The following TMED6 variants were observed in gnomAD, a reference collection of about 807,000 sequenced individuals.
TMED6 encodes the protein transmembrane emp24 domain-containing protein 6.
Under a neutral mutation model 26.5 loss-of-function variants are expected in TMED6, and 17 were observed. The ratio of observed to expected loss-of-function variants is 0.64; its 90% CI spans 0.44 to 0.96. TMED6 has a LOEUF of 0.96. TMED6 is among the 40% of genes least tolerant of loss of function. The pLI is 0.00. For synonymous variants in TMED6, 107 were observed against 106.2 expected (o/e 1.01, Z -0.04); for missense variants, 309 against 296.5 (o/e 1.04, Z -0.31).
chr16:69,347,578 TC>T (rs1263058904), intron 3 of TMED6, among the ~76,000 whole-genome samples: 1 of 152,156 alleles, frequency 6.6e-6, no homozygotes, highest in East Asian at 1.9e-4. Context: ...AAGGCTGGTT[TC>T]GAACTCCTGA....
intron 3 of TMED6, among the ~76,000 whole-genome samples, chr16:69,344,990 GAA>G (rs2012660506): frequency 6.6e-6 from 1 of 152,148 alleles, no homozygotes; most frequent in Non-Finnish European, 1.5e-5. Context: ...TTGGGAGACT[GAA>G]GCATAAGAAT....
At chr16:69,350,284 A>AG (rs1214842561) in intron 1 of TMED6, among the ~76,000 whole-genome samples, 3 of 151,716 alleles carry the variant, frequency 2.0e-5, no homozygotes, top group East Asian at 3.9e-4. Context: ...AAAAAAAAAA[A>AG]AAAGTACGAT....
chr16:69,347,462 C>T (rs763646662), intron 3 of TMED6, among the ~76,000 whole-genome samples: 9 of 152,158 alleles, frequency 5.9e-5, no homozygotes, highest in African/African-American at 9.7e-5. Flanking sequence ...AGGGTTCAAG[C>T]GATTCTCCTG....
chr16:69,348,074 T>G, intron 2 of TMED6, 138 bp from the exon 3 acceptor site: 2 of 925,648 alleles, frequency 2.2e-6, no homozygotes, highest in Admixed American at 4.8e-5. Flanking sequence ...AGATCCCGTT[T>G]TTGACATGGA....
intron 3 of TMED6, among the ~76,000 whole-genome samples, chr16:69,344,834 A>T (rs1236536684): frequency 6.6e-6 from 1 of 151,790 alleles, no homozygotes; most frequent in Non-Finnish European, 1.5e-5. Context: ...CGTTCCTGTA[A>T]TCTTAGCACT....
At chr16:69,348,180 C>A in intron 2 of TMED6, 1 of 361,180 alleles carries the variant, frequency 2.8e-6, no homozygotes, top group East Asian at 4.5e-5. Context: ...TAGTGGCAAA[C>A]AATGTTTTCT....
At chr16:69,347,031 C>T (rs2012697070) in intron 3 of TMED6, among the ~76,000 whole-genome samples, 1 of 152,070 alleles carries the variant, frequency 6.6e-6, no homozygotes, top group African/African-American at 2.4e-5. Context: ...GAGTGAGACC[C>T]TGTCTCAAAA....
intron 3 of TMED6, among the ~76,000 whole-genome samples, 167 bp from the exon 4 acceptor site, chr16:69,343,807 T>G (rs1434013012): frequency 6.6e-6 from 1 of 152,156 alleles, no homozygotes; most frequent in African/African-American, 2.4e-5. Flanking sequence ...GTATGAAATA[T>G]GGTCTGGATT....
intron 1 of TMED6, 81 bp from the exon 2 acceptor site, chr16:69,349,732 C>A: frequency 5.2e-6 from 8 of 1,545,208 alleles, no homozygotes; most frequent in Non-Finnish European, 7.0e-6. Context: ...TGACGTCCCA[C>A]GGTCATCAGC....
At chr16:69,351,348 A>G (rs1227870866) in intron 1 of TMED6, among the ~76,000 whole-genome samples, 193 bp downstream of exon 1, 1 of 152,082 alleles carries the variant, frequency 6.6e-6, no homozygotes, top group East Asian at 1.9e-4. Context: ...AAGCCAAACC[A>G]TATGTTTTAG....
rs1174675062 is a variant in TMED6 at position 69,343,329 on chromosome 16, T to C, written c.*78A>G. The C allele has an allele frequency of 3.9e-6, 5 of 1,278,844 alleles. No individual in the cohort carries two copies. The highest frequency in any genetic ancestry group is 5.4e-6 in the Non-Finnish European group (5 of 922,790). The allele number at this position is 1,278,844 out of a possible 1,614,324, so 79.2% of individuals were successfully genotyped here. On this transcript the variant is annotated 3_prime_UTR_variant, in exon 4 of 4. Coordinates refer to ENST00000288025, the MANE Select transcript of TMED6 (RefSeq NM_144676.4). ...ACTAAAACATTAATGAGATAATTGA[T>C]TTTTGTCCCATAACATTACAAAGCT...
intron 2 of TMED6, chr16:69,348,468 G>A (rs1203914142): frequency 6.6e-6 from 1 of 152,550 alleles, no homozygotes; most frequent in Non-Finnish European, 1.5e-5. Context: ...GTGCGGGGGG[G>A]AGGGGGGCGC....
At chr16:69,347,484 C>A (rs1372029120) in intron 3 of TMED6, among the ~76,000 whole-genome samples, 2 of 152,076 alleles carry the variant, frequency 1.3e-5, no homozygotes, top group Non-Finnish European at 1.5e-5. Flanking sequence ...CTCAGCCTTC[C>A]GAGTAGCTGG....
chr16:69,349,937 T>C (rs1041160131), intron 1 of TMED6, among the ~76,000 whole-genome samples: 3 of 152,138 alleles, frequency 2.0e-5, no homozygotes, highest in Admixed American at 6.5e-5. Context: ...GAAGAAGACA[T>C]GCCTTGCTCG....
chr16:69,351,437 G>A (rs2012774021), intron 1 of TMED6, 104 bp downstream of exon 1: 1 of 1,051,648 alleles, frequency 9.5e-7, no homozygotes, highest in Non-Finnish European at 1.4e-6. Context: ...GGGAATCACA[G>A]CATAATAAAG....
chr16:69,348,713 C>G (rs896613040), intron 2 of TMED6, among the ~76,000 whole-genome samples: 3 of 152,106 alleles, frequency 2.0e-5, no homozygotes, highest in Non-Finnish European at 4.4e-5. Context: ...CCTCCAGGTT[C>G]AAGCAATTCT....
chr16:69,346,632 G>C (rs546884673), intron 3 of TMED6, among the ~76,000 whole-genome samples: 5 of 152,184 alleles, frequency 3.3e-5, no homozygotes, highest in African/African-American at 1.2e-4. Context: ...GGCATGGTGA[G>C]AGGTGCCTGT....
chr16:69,349,252 C>G (rs919378151), intron 2 of TMED6, among the ~76,000 whole-genome samples: 2 of 152,160 alleles, frequency 1.3e-5, no homozygotes, highest in Non-Finnish European at 2.9e-5. Flanking sequence ...TTTTTGGTCA[C>G]TTTCCCAGAA....
At chr16:69,344,260 A>G (rs768738917) in intron 3 of TMED6, among the ~76,000 whole-genome samples, 1 of 152,208 alleles carries the variant, frequency 6.6e-6, no homozygotes, top group Non-Finnish European at 1.5e-5. Flanking sequence ...TTCTCTGTAT[A>G]TGGTAGAAGA....
Sources: gnomAD v4.1 joint callset for allele counts (sites outside exome capture counted in the v4.1 genomes callset) on GRCh38, gnomAD v4.1.1 for gene constraint, MANE v1.5 for transcripts, NCBI Gene and HGNC (gene_info 2026-07-23, HGNC 2026-07-21) for gene names.